Variants in SPON1 observed in about 807,000 individuals in gnomAD.
SPON1 encodes spondin 1.
In SPON1, 52 loss-of-function variants were observed where a neutral mutation model predicts 111.7. The observed-to-expected ratio is 0.47, with a 90% CI of 0.37 to 0.59. SPON1 has a LOEUF of 0.59. Among genes scored for constraint, SPON1 ranks in the 20% least tolerant of loss-of-function variants. SPON1 has a pLI of 0.00. For missense variants in SPON1, 957 were observed against 1,068.5 expected, an observed-to-expected ratio of 0.90 and a Z score of 1.46; for synonymous variants, 410 against 395.8, an observed-to-expected ratio of 1.04 and a Z score of -0.43.
chr11:14,071,336 C>G (rs1462521006), intron 3 of SPON1, among the ~76,000 whole-genome samples: 4 of 152,122 alleles, frequency 2.6e-5, no homozygotes, highest in Non-Finnish European at 4.4e-5. Flanking sequence ...GTTGGTCTTC[C>G]TCAGGGTTCT....
chr11:14,171,406 C>T (rs1176836132), intron 6 of SPON1, among the ~76,000 whole-genome samples: 11 of 152,112 alleles, frequency 7.2e-5, no homozygotes, highest in Non-Finnish European at 8.8e-5. Context: ...GTCTTGCTAG[C>T]AGTCTATCGA....
At chr11:14,109,013 G>C (rs1373907516) in intron 5 of SPON1, among the ~76,000 whole-genome samples, 1 of 152,136 alleles carries the variant, frequency 6.6e-6, no homozygotes, top group Non-Finnish European at 1.5e-5. Flanking sequence ...TGAGTCCTGG[G>C]CAGCTCCTTC....
chr11:14,099,256 T>G (rs1205994557), intron 5 of SPON1, among the ~76,000 whole-genome samples: 1 of 152,220 alleles, frequency 6.6e-6, no homozygotes, highest in Non-Finnish European at 1.5e-5. Context: ...CTGGCTAAAT[T>G]TACCCGTGTT....
At chr11:14,065,475 C>A (rs373684540) in intron 3 of SPON1, among the ~76,000 whole-genome samples, 1 of 152,174 alleles carries the variant, frequency 6.6e-6, no homozygotes, top group Non-Finnish European at 1.5e-5. Flanking sequence ...CACAGAACAC[C>A]GGAGAAACCC....
At chr11:14,041,222 G>A (rs941317168) in intron 2 of SPON1, among the ~76,000 whole-genome samples, 1 of 152,188 alleles carries the variant, frequency 6.6e-6, no homozygotes, top group African/African-American at 2.4e-5. Context: ...GTGGGACACA[G>A]GTCGTTCTAT....
chr11:14,260,243 T>G (rs1328080592), intron 13 of SPON1, among the ~76,000 whole-genome samples: 1 of 152,218 alleles, frequency 6.6e-6, no homozygotes, highest in East Asian at 1.9e-4. Flanking sequence ...GCCTCTCCTT[T>G]AGTGCCTGAT....
chr11:14,062,518 C>T (rs1380188607), intron 3 of SPON1, among the ~76,000 whole-genome samples: 5 of 152,202 alleles, frequency 3.3e-5, no homozygotes, highest in Non-Finnish European at 7.3e-5. Flanking sequence ...CCATGAGGAA[C>T]TTCTGGTCAT....
chr11:14,254,483 A>C (rs782567907), intron 7 of SPON1, 45 bp from the exon 8 acceptor site: 4 of 1,514,708 alleles, frequency 2.6e-6, no homozygotes, highest in Non-Finnish European at 3.6e-6. Context: ...AGTGAGGACC[A>C]ACCCCCAGAA....
chr11:14,038,811 C>T (rs919409300), intron 2 of SPON1, among the ~76,000 whole-genome samples: 2 of 152,162 alleles, frequency 1.3e-5, no homozygotes, highest in Non-Finnish European at 2.9e-5. Flanking sequence ...TCTAAATATA[C>T]TATTGCCATA....
intron 2 of SPON1, among the ~76,000 whole-genome samples, chr11:14,004,071 A>G (rs1848340444): frequency 6.6e-6 from 1 of 152,056 alleles, no homozygotes; most frequent in South Asian, 2.1e-4. Flanking sequence ...ACTTAGCATA[A>G]TGTCTTCCAG....
At chr11:14,179,819 A>G (rs1848218681) in intron 6 of SPON1, among the ~76,000 whole-genome samples, 2 of 152,002 alleles carry the variant, frequency 1.3e-5, no homozygotes, top group South Asian at 4.2e-4. Context: ...CTCCTTTATG[A>G]TGCTAATTGA....
At chr11:14,171,226 A>G (rs5987482) in intron 6 of SPON1, among the ~76,000 whole-genome samples, 63 of 151,896 alleles carry the variant, frequency 4.1e-4, no homozygotes, top group African/African-American at 1.3e-3. Context: ...GTCTTGGGAG[A>G]GTGTATGTGT....
chr11:14,110,062 C>T (rs1184448029), intron 5 of SPON1, among the ~76,000 whole-genome samples: 4 of 152,196 alleles, frequency 2.6e-5, no homozygotes, highest in Admixed American at 2.6e-4. Context: ...AGACTAACAA[C>T]AAAGCAGATG....
intron 2 of SPON1, among the ~76,000 whole-genome samples, chr11:14,033,454 A>G (rs1848573134): frequency 6.6e-6 from 1 of 152,158 alleles, no homozygotes; most frequent in African/African-American, 2.4e-5. Context: ...TGAGGAGGTG[A>G]CGTATCAGGG....
At position 13,962,795 on chromosome 11, in the gene SPON1, T is replaced by G. The variant is rs1348246766; in HGVS notation, c.-110T>G. 4 of 1,042,830 alleles carry G rather than the reference T, an allele frequency of 3.8e-6. No individual in the cohort carries two copies. Among genetic ancestry groups the G allele is most frequent in the South Asian group, 1.9e-5 (1 of 53,080 alleles). The allele number at this position is 1,042,830 out of a possible 1,614,324, so 64.6% of individuals were successfully genotyped here. A position where few individuals can be genotyped will look rare whatever the true frequency, so the allele number is the denominator to read the frequency against. On this transcript the variant is annotated 5_prime_UTR_variant, in exon 1 of 16. Transcript: ENST00000576479. ...CGAGTCGCGGACGCCAGCTCCGAGC[T>G]CCCTCTCTCCGCCGCGCCTCCGCCA... is the stretch of plus-strand genomic sequence containing the variant.
intron 5 of SPON1, among the ~76,000 whole-genome samples, chr11:14,085,740 G>A (rs1311851141): frequency 1.3e-5 from 2 of 152,190 alleles, no homozygotes; most frequent in African/African-American, 2.4e-5. Context: ...ACTTTGGGCA[G>A]TATGGCCATT....
chr11:14,082,316 A>G (rs943594965), intron 5 of SPON1, among the ~76,000 whole-genome samples: 2 of 152,152 alleles, frequency 1.3e-5, no homozygotes, highest in Non-Finnish European at 2.9e-5. Context: ...GGATTGTTCC[A>G]TTTTTGACAT....
At chr11:13,975,617 G>A (rs1434439199) in intron 1 of SPON1, among the ~76,000 whole-genome samples, 4 of 152,086 alleles carry the variant, frequency 2.6e-5, no homozygotes, top group Non-Finnish European at 5.9e-5. Flanking sequence ...GAGGTGAAAG[G>A]GGCAGGGAGG....
intron 6 of SPON1, among the ~76,000 whole-genome samples, chr11:14,222,544 C>T (rs1261748267): frequency 2.0e-5 from 3 of 152,168 alleles, no homozygotes; most frequent in Non-Finnish European, 2.9e-5. Flanking sequence ...GATTCTGAAG[C>T]ACAGCTAGTT....
Sources: allele counts gnomAD v4.1 joint callset (sites outside exome capture counted in the v4.1 genomes callset), GRCh38; gene constraint gnomAD v4.1.1; transcripts MANE v1.5; gene names NCBI Gene and HGNC (gene_info 2026-07-23, HGNC 2026-07-21).